The following ADAM33 variants were observed in gnomAD, a reference collection of about 807,000 sequenced individuals.
ADAM33 encodes ADAM metallopeptidase domain 33, also known as disintegrin and metalloproteinase domain-containing protein 33.
In ADAM33, 103 loss-of-function variants were observed where a neutral mutation model predicts 106.2. The ratio of observed to expected loss-of-function variants is 0.97; its 90% CI spans 0.83 to 1.14. ADAM33 has a LOEUF of 1.14. Among genes scored for constraint, ADAM33 ranks in the 50% most tolerant of loss-of-function variants. The pLI is 0.00. For missense variants in ADAM33, 1,120 were observed against 1,096.6 expected, an observed-to-expected ratio of 1.02 and a Z score of -0.30; for synonymous variants, 483 against 453.0, an observed-to-expected ratio of 1.07 and a Z score of -0.84.
At position 3,674,240 on chromosome 20, in the gene ADAM33, G is replaced by A. The variant is rs538976183; in HGVS notation, c.645C>T (p.Tyr215=). The change falls in exon 7 of 22, where the codon TAC becomes TAT. Residue 215 remains tyrosine (Y), a synonymous_variant. Transcript: ENST00000356518. ...ARRTRKYLEL[Y]IVADHTLFLT... is the part of the protein sequence containing the mutation. ...TCACCAGGGTGTGGTCTGCCACAAT[G>A]TACAGTTCCAGGTACTTCCGGGTCC... is the stretch of plus-strand genomic sequence containing the variant. The A allele has an allele frequency of 2.5e-6, 4 of 1,614,078 alleles. No individual in the cohort carries two copies. The Admixed American group carries it at 5.0e-5, about 20-fold the overall frequency.
At chr20:3,671,851 T>G (rs1250870828) in intron 15 of ADAM33, 26 bp downstream of exon 15, 5 of 1,551,200 alleles carry the variant, frequency 3.2e-6, no homozygotes, top group African/African-American at 1.4e-5. Flanking sequence ...TAGCTTCTGC[T>G]CCCTCCACTC....
Position 3,671,579 on chromosome 20 carries a change from A to C in ADAM33, c.1905+2T>G, listed in dbSNP as rs1483961946. On this transcript the variant is annotated splice_donor_variant, in intron 16 of 21. Coordinates refer to ENST00000356518, the MANE Select transcript of ADAM33 (RefSeq NM_025220.5). LOFTEE classifies it high-confidence loss of function. ...AGGAGGGGTCGGGTGGGCAGAGCTC[A>C]CCATTCTAGGTCCACACTGGGTGCC... 3 of 1,598,370 alleles carry C rather than the reference A, an allele frequency of 1.9e-6. No homozygotes were observed. Among genetic ancestry groups the C allele is most frequent in the Non-Finnish European group, 2.6e-6 (3 of 1,172,510 alleles).
rs754912797 is a variant in ADAM33, at chr20:3,672,859, G to T, written c.1173C>A (p.Arg391=). The change falls in exon 12 of 22, where the codon CGC becomes CGA. Residue 391 remains arginine (R), a synonymous_variant. Transcript: ENST00000356518. ...FPRVFSACSR[R]QLRAFFRKGG... ...CCTTGCGGAAGAAGGCGCGCAGCTGGCGGCGGCTGCAGGCGCTGAACACGC... is the reference window on the plus strand; with the variant it reads ...CCTTGCGGAAGAAGGCGCGCAGCTGTCGGCGGCTGCAGGCGCTGAACACGC... 3 of 1,578,266 alleles carry T rather than the reference G, an allele frequency of 1.9e-6. No individual in the cohort carries two copies. The highest frequency in any genetic ancestry group is 2.6e-6 in the Non-Finnish European group (3 of 1,170,202).
At chr20:3,679,653 G>C in intron 1 of ADAM33, 82 bp from the exon 2 acceptor site, 1 of 1,281,864 alleles carries the variant, frequency 7.8e-7, no homozygotes, top group Non-Finnish European at 1.1e-6. Flanking sequence ...GGGGGTAGAG[G>C]ACATCCCCAG....
At chr20:3,681,295 G>A (rs1245100079) in intron 1 of ADAM33, among the ~76,000 whole-genome samples, 1 of 152,222 alleles carries the variant, frequency 6.6e-6, no homozygotes, top group African/African-American at 2.4e-5. Flanking sequence ...CCAGAGCACT[G>A]CTAAACAGAC....
At position 3,675,247 on chromosome 20, in the gene ADAM33, G is replaced by A. The variant is rs915962381; in HGVS notation, c.255-142C>T. ...AGTGTGTCTTAGGGAAGGGACAGGA[G>A]CAATGGTGACTTGCTCAGATCAGAA... is the stretch of plus-strand genomic sequence containing the variant. On this transcript the variant is annotated intron_variant, in intron 3 of 21. Coordinates refer to ENST00000356518, the MANE Select transcript of ADAM33 (RefSeq NM_025220.5). The surrounding 1 kb of genome is among the most constrained non-coding windows in gnomAD (Gnocchi z 4.1). 2 of 662,148 alleles carry A rather than the reference G, an allele frequency of 3.0e-6. No homozygotes were observed. Among genetic ancestry groups the A allele is most frequent in the African/African-American group, 1.8e-5 (1 of 55,374 alleles). 41.0% of individuals were successfully genotyped at this position (662,148 alleles called of 1,614,324 possible). A position where few individuals can be genotyped will look rare whatever the true frequency, so the allele number is the denominator to read the frequency against.
chr20:3,671,198 C>G (rs774097016), intron 18 of ADAM33, 39 bp downstream of exon 18: 1 of 1,612,646 alleles, frequency 6.2e-7, no homozygotes. Context: ...AGCAGGTGCA[C>G]CACCCCAGCT....
chr20:3,674,064 C>G lies in ADAM33; in HGVS notation c.738G>C (p.Gln246His), dbSNP rs1429240310. 1.2e-6 allele frequency: 2 copies of G among 1,614,160 alleles called. No individual in the cohort carries two copies. The highest frequency in any genetic ancestry group is 1.7e-5 in the Admixed American group (1 of 60,024). The change falls in exon 8 of 22, where the codon CAG (glutamine) becomes CAC (histidine). Residue 246 changes from glutamine to histidine, a missense_variant and splice_region_variant. Transcript: ENST00000356518. Reference sequence around the variant, plus strand: ...CCGCTCTCTCCCCGCCGCCCCCAACCTGGTCCACGTAGTTGGCGACTTCCA... The same window carrying G: ...CCGCTCTCTCCCCGCCGCCCCCAACGTGGTCCACGTAGTTGGCGACTTCCA... ...RLLEVANYVD[Q>H]LLRTLDIQVA...
intron 19 of ADAM33, 77 bp downstream of exon 19, chr20:3,670,929 A>C (rs1057030390): frequency 5.5e-6 from 8 of 1,462,082 alleles, no homozygotes; most frequent in Admixed American, 2.4e-5. Context: ...GGCCTGCCCC[A>C]GCTCCCACAG....
chr20:3,669,108 G>A lies in ADAM33; in HGVS notation c.2405-108C>T, dbSNP rs1037267346. On this transcript the variant is annotated intron_variant, in intron 21 of 21. Coordinates refer to ENST00000356518, the MANE Select transcript of ADAM33 (RefSeq NM_025220.5). ...AGTGAGGACCAGTGATCCAGGAAAAGCCACAGCTTCTCCCTCCCCAGCCCA... is the reference window on the plus strand; with the variant it reads ...AGTGAGGACCAGTGATCCAGGAAAAACCACAGCTTCTCCCTCCCCAGCCCA... The A allele has an allele frequency of 8.0e-6, 11 of 1,383,288 alleles. No homozygotes were observed. In the African/African-American group the frequency reaches 1.3e-4, roughly 16 times the overall value. 85.7% of individuals were successfully genotyped at this position (1,383,288 alleles called of 1,614,324 possible). A position where few individuals can be genotyped will look rare whatever the true frequency, so the allele number is the denominator to read the frequency against.
chr20:3,674,617 T>C lies in ADAM33; in HGVS notation c.487A>G (p.Thr163Ala), dbSNP rs1166944614. 2 of 1,612,812 alleles carry C rather than the reference T, an allele frequency of 1.2e-6. No individual in the cohort carries two copies. Among genetic ancestry groups the C allele is most frequent in the Non-Finnish European group, 1.7e-6 (2 of 1,179,688 alleles). The stretch of plus-strand genomic sequence containing the variant: ...TGCTCCATCCGAAAGATCTCGTGGG[T>C]TGAGAAGTCCTTGGAGCCCCGGGGT... ...WPPRGSKDFS[T>A]HEIFRMEQLL... The change falls in exon 6 of 22, where the codon ACC (threonine) becomes GCC (alanine). Residue 163 changes from threonine (T) to alanine (A), a missense_variant. Coordinates refer to ENST00000356518, the MANE Select transcript of ADAM33 (RefSeq NM_025220.5).
chr20:3,673,257 T>C, intron 11 of ADAM33, 97 bp downstream of exon 11: 1 of 1,534,046 alleles, frequency 6.5e-7, no homozygotes, highest in Non-Finnish European at 8.7e-7. Flanking sequence ...ATCCCCATTT[T>C]ACAGAAGAGG....
chr20:3,678,292 C>T (rs1187662609), intron 2 of ADAM33, among the ~76,000 whole-genome samples: 3 of 152,244 alleles, frequency 2.0e-5, no homozygotes, highest in Non-Finnish European at 2.9e-5. Context: ...GACACCTAGC[C>T]TCTACTCTTT....
chr20:3,674,300 T>C lies in ADAM33; in HGVS notation c.601-16A>G. 6.2e-7 allele frequency: 1 copy of C among 1,613,676 alleles called. No individual in the cohort carries two copies. The highest frequency in any genetic ancestry group is 2.2e-5 in the East Asian group (1 of 44,888). On this transcript the variant is annotated splice_polypyrimidine_tract_variant and intron_variant, in intron 6 of 21. Coordinates refer to ENST00000356518, the MANE Select transcript of ADAM33 (RefSeq NM_025220.5). ...CTCGCCTGCCCTGCGGAGGTGCAAATGGGGACCCTGAGTGGAAGCTGCTGG... is the reference window on the plus strand; with the variant it reads ...CTCGCCTGCCCTGCGGAGGTGCAAACGGGGACCCTGAGTGGAAGCTGCTGG...
chr20:3,673,036 C>T (rs1280620215), intron 11 of ADAM33, 138 bp from the exon 12 acceptor site: 1 of 1,434,566 alleles, frequency 7.0e-7, no homozygotes, highest in East Asian at 2.5e-5. Context: ...CGCAAAGTCA[C>T]ACAACAAGCG....
rs2087343018 is a variant in ADAM33 at position 3,668,773 on chromosome 20, A to AG, written c.*189dup. 5.9e-6 allele frequency: 4 copies of AG among 679,086 alleles called. No homozygotes were observed. The South Asian group carries it at 6.6e-5, about 11-fold the overall frequency. 42.1% of individuals were successfully genotyped at this position (679,086 alleles called of 1,614,324 possible). Reference sequence around the variant, plus strand: ...TGCCCAGCAGTGTTCTCCAGCCCTCAGGAACTTCTAATGTGGCTCTGGGTT... The same window carrying AG: ...TGCCCAGCAGTGTTCTCCAGCCCTCAGGGAACTTCTAATGTGGCTCTGGGTT... On this transcript the variant is annotated 3_prime_UTR_variant, in exon 22 of 22. Coordinates refer to ENST00000356518, the MANE Select transcript of ADAM33 (RefSeq NM_025220.5).
rs775949501 is a variant in ADAM33, at chr20:3,671,715, C to T, written c.1771G>A (p.Val591Met). Reference sequence around the variant, plus strand: ...AGGTGAACGGTAGAGTCCACTGGCACCATGTGCGGTGCGAGCAGGCTGGGC... The same window carrying T: ...AGGTGAACGGTAGAGTCCACTGGCATCATGTGCGGTGCGAGCAGGCTGGGC... ...GKPSLLAPHM[V>M]PVDSTVHLDG... The change falls in exon 16 of 22, where the codon GTG becomes ATG. Residue 591 changes from valine to methionine, a missense_variant. By Grantham distance (21) the Val-to-Met change is conservative. Transcript: ENST00000356518. 5 of 1,586,934 alleles carry T rather than the reference C, an allele frequency of 3.2e-6. No homozygotes were observed. Among genetic ancestry groups the T allele is most frequent in the Non-Finnish European group, 4.3e-6 (5 of 1,166,338 alleles).
At chr20:3,678,110 G>T (rs1234602381) in intron 2 of ADAM33, among the ~76,000 whole-genome samples, 2 of 152,266 alleles carry the variant, frequency 1.3e-5, no homozygotes, top group Non-Finnish European at 2.9e-5. Context: ...AGCTCATGAG[G>T]CTGGAATGCC....
At chr20:3,672,406 G>A (rs1205568938) in intron 13 of ADAM33, 77 bp from the exon 14 acceptor site, 4 of 1,576,194 alleles carry the variant, frequency 2.5e-6, no homozygotes, top group Non-Finnish European at 3.5e-6. Context: ...AGCGCGGCTC[G>A]GAGCTGGGGG....
Sources: gnomAD v4.1 joint callset for allele counts (sites outside exome capture counted in the v4.1 genomes callset) on GRCh38, gnomAD v4.1.1 for gene constraint, Gnocchi (gnomAD v3.1) non-coding constraint, MANE v1.5 for transcripts, NCBI Gene and HGNC (gene_info 2026-07-23, HGNC 2026-07-21) for gene names.